UNC80: variants seen among roughly 807,000 people sequenced by gnomAD.
The protein encoded by UNC80 is protein unc-80 homolog.
UNC80 carries 164 observed loss-of-function variants against 384.6 expected under a neutral mutation model. That is an observed-to-expected ratio of 0.43 (90% CI 0.38 to 0.49). The LOEUF is 0.49. Ranked by LOEUF, UNC80 falls within the 20% of genes least tolerant of loss-of-function variation. UNC80 has a pLI of 0.00. For synonymous variants in UNC80, 1,486 were observed against 1,527.8 expected, an observed-to-expected ratio of 0.97 and a Z score of 0.64; for missense variants, 3,330 against 4,143.0, an observed-to-expected ratio of 0.80 and a Z score of 5.39.
At chr2:209,827,846 C>G (rs2041524) in intron 14 of UNC80, among the ~76,000 whole-genome samples, 86,777 of 151,994 alleles carry the variant, frequency 0.57, 25,064 homozygotes, top group Admixed American at 0.63. Context: ...ATTTGTCAAA[C>G]TGCCCAGCAA....
intron 44 of UNC80, among the ~76,000 whole-genome samples, chr2:209,943,018 A>T (rs1245262525): frequency 6.6e-6 from 1 of 152,192 alleles, no homozygotes; most frequent in Non-Finnish European, 1.5e-5. Flanking sequence ...TGATTTGTAT[A>T]TACCATAATT....
In UNC80 at chr2:209,816,919, G is replaced by T. The variant is rs867853653; in HGVS notation, c.1346G>T (p.Arg449Leu). 3.0e-5 allele frequency: 47 copies of T among 1,551,476 alleles called. 1 individual carries two copies. The highest frequency in any genetic ancestry group is 3.8e-5 in the Non-Finnish European group (44 of 1,146,994). ...CTCTCATCACTGTAGTTCAAGAGCC[G>T]CAAAGAAGACCGAGAGAGGAAAGGC... Reference protein sequence around the residue: ...GMNIFKKFKSRKEDRERKGSI... With the variant: ...GMNIFKKFKSLKEDRERKGSI... Residue 449 changes from arginine to leucine, a missense_variant, in exon 10 of 65, where the codon CGC (arginine) becomes CTC (leucine). Coordinates refer to ENST00000673920, the MANE Select transcript of UNC80 (RefSeq NM_001371986.1).
chr2:209,794,801 C>A (rs1294636060), intron 7 of UNC80: 4 of 454,898 alleles, frequency 8.8e-6, no homozygotes, highest in Non-Finnish European at 1.8e-5. Flanking sequence ...TAAGAAGCAC[C>A]TTTCACTTCC....
rs1288109384 is a variant in UNC80 at position 209,981,193 on chromosome 2, A to G, written c.9119-986A>G. Among the ~76,000 whole-genome samples, 14 of 152,384 alleles carry G rather than the reference A, an allele frequency of 9.2e-5. No individual in the cohort carries two copies. The East Asian group carries it at 1.3e-3, about 15-fold the overall frequency. On this transcript the variant is annotated intron_variant, in intron 59 of 64. Coordinates refer to ENST00000673920, the MANE Select transcript of UNC80 (RefSeq NM_001371986.1). ...TGTTTATCAAAGAATATTAGTGTTCATCAACAAACAACATTAGCTCATTTA... is the reference window on the plus strand; with the variant it reads ...TGTTTATCAAAGAATATTAGTGTTCGTCAACAAACAACATTAGCTCATTTA...
At chr2:209,790,770 C>A (rs2077745352) in intron 6 of UNC80, among the ~76,000 whole-genome samples, 1 of 152,094 alleles carries the variant, frequency 6.6e-6, no homozygotes, top group Non-Finnish European at 1.5e-5. Flanking sequence ...ATACCTACAC[C>A]AATTTATTTC....
chr2:209,888,335 C>A, intron 26 of UNC80, 75 bp downstream of exon 26: 3 of 1,461,136 alleles, frequency 2.1e-6, no homozygotes, highest in South Asian at 1.3e-5. Context: ...AGGGTCTAAA[C>A]TACAAAATTG....
rs761062440 is a variant in UNC80, at chr2:209,786,118, T to C, written c.653T>C (p.Met218Thr). Residue 218 changes from methionine to threonine, a missense_variant, in exon 5 of 65, where the codon ATG becomes ACG. Met to Thr is a moderately conservative substitution (Grantham distance 81). Transcript: ENST00000673920. ...AGTGGGCTTGTTATATGGCAGCCCA[T>C]GTGGGAACACAGACAGCCCGGAGTC... ...LASGLVIWQP[M>T]WEHRQPGVSG... 1 of 1,614,076 alleles carries C rather than the reference T, an allele frequency of 6.2e-7. No individual in the cohort carries two copies. The highest frequency in any genetic ancestry group is 1.1e-5 in the South Asian group (1 of 91,068).
rs189689990 is a variant in UNC80 at position 209,949,626 on chromosome 2, C to T, written c.7286+3683C>T. On this transcript the variant is annotated intron_variant, in intron 47 of 64. Coordinates refer to ENST00000673920, the MANE Select transcript of UNC80 (RefSeq NM_001371986.1). ...CCGAGTAGCTGGGATTACAGGCACC[C>T]GCCACCACACCCAGCTAATTTTTGT... Among the ~76,000 whole-genome samples, 661 of 152,022 alleles carry T rather than the reference C, an allele frequency of 4.3e-3. 7 individuals are homozygous for T. Among genetic ancestry groups the T allele is most frequent in the African/African-American group, 0.015 (611 of 41,452 alleles).
intron 13 of UNC80, among the ~76,000 whole-genome samples, chr2:209,821,896 G>A (rs2080158905): frequency 6.6e-6 from 1 of 152,040 alleles, no homozygotes; most frequent in Non-Finnish European, 1.5e-5. Flanking sequence ...ACTGTGTAGA[G>A]TTCTAGATAT....
intron 23 of UNC80, among the ~76,000 whole-genome samples, chr2:209,876,935 T>G (rs1382796628): frequency 6.6e-6 from 1 of 152,166 alleles, no homozygotes. Flanking sequence ...TAATCTTCAC[T>G]TAGAGAGCTT....
chr2:209,937,712 A>G (rs1451280071), intron 42 of UNC80, 82 bp downstream of exon 42: 3 of 1,059,126 alleles, frequency 2.8e-6, no homozygotes, highest in Non-Finnish European at 4.3e-6. Context: ...CAACTTTGAG[A>G]TTTTATGATT....
At chr2:209,830,909 C>G (rs1223089254) in intron 15 of UNC80, among the ~76,000 whole-genome samples, 1 of 152,098 alleles carries the variant, frequency 6.6e-6, no homozygotes, top group Non-Finnish European at 1.5e-5. Context: ...TCTGTCTTTC[C>G]CAGGGCCTTT....
intron 22 of UNC80, among the ~76,000 whole-genome samples, chr2:209,862,872 C>A (rs747913787): frequency 1.9e-4 from 29 of 152,002 alleles, no homozygotes; most frequent in Non-Finnish European, 2.9e-4. Context: ...TTGATCCTCT[C>A]ATCATGAGGT....
chr2:209,798,993 C>T (rs1158384770), intron 7 of UNC80, among the ~76,000 whole-genome samples: 1 of 150,584 alleles, frequency 6.6e-6, no homozygotes, highest in Non-Finnish European at 1.5e-5. Context: ...CTATGGGTCT[C>T]CTTTGATAGT....
intron 34 of UNC80, 102 bp downstream of exon 34, chr2:209,921,788 C>G: frequency 7.9e-7 from 1 of 1,270,066 alleles, no homozygotes; most frequent in Non-Finnish European, 1.1e-6. Flanking sequence ...GTGATATGCC[C>G]CCTTCCATCT....
intron 48 of UNC80, among the ~76,000 whole-genome samples, chr2:209,954,821 C>G (rs934823506): frequency 1.6e-4 from 24 of 151,970 alleles, no homozygotes; most frequent in African/African-American, 5.8e-4. Flanking sequence ...TTAAATAATG[C>G]GGAGAGAGGA....
chr2:209,974,298 G>A (rs913046451), intron 56 of UNC80, among the ~76,000 whole-genome samples: 1 of 152,266 alleles, frequency 6.6e-6, no homozygotes, highest in Middle Eastern at 3.4e-3. Context: ...AAAGACACAA[G>A]GAATGCATGT....
intron 36 of UNC80, among the ~76,000 whole-genome samples, chr2:209,929,236 T>C (rs1469681717): frequency 6.6e-6 from 1 of 152,192 alleles, no homozygotes; most frequent in Non-Finnish European, 1.5e-5. Context: ...ACTGGCCCTG[T>C]TTTTTACCCA....
At chr2:209,962,103 T>C (rs1387591018) in intron 51 of UNC80, among the ~76,000 whole-genome samples, 1 of 152,146 alleles carries the variant, frequency 6.6e-6, no homozygotes, top group Non-Finnish European at 1.5e-5. Flanking sequence ...GCAAGACCCT[T>C]TCTGGAAAGG....
Sources: gnomAD v4.1 joint callset for allele counts (sites outside exome capture counted in the v4.1 genomes callset) on GRCh38, gnomAD v4.1.1 for gene constraint, MANE v1.5 for transcripts, NCBI Gene and HGNC (gene_info 2026-07-23, HGNC 2026-07-21) for gene names.